DNAJC16: variants seen among roughly 807,000 people sequenced by gnomAD.
DNAJC16 encodes DnaJ heat shock protein family (Hsp40) member C16, also known as dnaJ homolog subfamily C member 16.
Under a neutral mutation model 92.7 loss-of-function variants are expected in DNAJC16, and 76 were observed. That is an observed-to-expected ratio of 0.82 (90% confidence interval 0.68 to 0.99). The LOEUF (loss-of-function observed/expected upper bound fraction) is 0.99, where lower values mean the gene tolerates loss of function less well. DNAJC16 is among the 50% of genes least tolerant of loss of function. The pLI is 0.00. For missense variants in DNAJC16, 869 were observed against 942.4 expected, an observed-to-expected ratio of 0.92 and a Z score of 1.02; for synonymous variants, 328 against 358.7, an observed-to-expected ratio of 0.91 and a Z score of 0.97.
chr1:15,559,528 C>G lies in DNAJC16; in HGVS notation c.1026C>G (p.Ala342=), dbSNP rs762839879. 3 of 1,613,912 alleles carry G rather than the reference C, an allele frequency of 1.9e-6. No homozygotes were observed. The South Asian group carries it at 3.3e-5, about 18-fold the overall frequency. The change falls in exon 8 of 15, where the codon GCC becomes GCG. Residue 342 remains alanine, a splice_region_variant and synonymous_variant. Coordinates refer to ENST00000375847, the MANE Select transcript of DNAJC16 (RefSeq NM_015291.4). ...GCTGATTCTTGGTTTTTCTCTAGGCCCGAGGTATGAAGAAGCAAATCATTG... is the reference window on the plus strand; with the variant it reads ...GCTGATTCTTGGTTTTTCTCTAGGCGCGAGGTATGAAGAAGCAAATCATTG... ...HINRPADVIQ[A]RGMKKQIIDD...
At chr1:15,559,424 C>T in intron 7 of DNAJC16, 102 bp from the exon 8 acceptor site, 2 of 1,513,940 alleles carry the variant, frequency 1.3e-6, no homozygotes, top group Non-Finnish European at 1.8e-6. Context: ...TTACTTTAGC[C>T]AAGGTCAGCT....
rs900563697 is a variant in DNAJC16, at chr1:15,569,678, T to C, written c.*1501T>C. ...TTGTTGAGACAGAGTTTCACTCTTG[T>C]TGCCCAGGCTGGAGTGAAATGGTGC... is the stretch of plus-strand genomic sequence containing the variant. On this transcript the variant is annotated 3_prime_UTR_variant, in exon 15 of 15. Coordinates refer to ENST00000375847, the MANE Select transcript of DNAJC16 (RefSeq NM_015291.4). 1 of 151,772 alleles carries C rather than the reference T, an allele frequency of 6.6e-6. No individual in the cohort carries two copies. The highest frequency in any genetic ancestry group is 1.5e-5 in the Non-Finnish European group (1 of 67,968). 9.4% of individuals were successfully genotyped at this position (151,772 alleles called of 1,614,324 possible). A position where few individuals can be genotyped will look rare whatever the true frequency, so the allele number is the denominator to read the frequency against.
At chr1:15,550,544 T>C (rs1638421122) in intron 7 of DNAJC16, among the ~76,000 whole-genome samples, 2 of 152,200 alleles carry the variant, frequency 1.3e-5, no homozygotes, top group Non-Finnish European at 2.9e-5. Flanking sequence ...TTGGTGGACA[T>C]TGGGGGCTTT....
chr1:15,552,766 A>ATTTTTTTTTT, intron 7 of DNAJC16, among the ~76,000 whole-genome samples: 1 of 125,920 alleles, frequency 7.9e-6, no homozygotes, highest in Non-Finnish European at 1.8e-5. Context: ...TATTATTATT[A>ATTTTTTTTTT]TTTATTTTTT....
In DNAJC16 at chr1:15,568,707, G is replaced by A. The variant is rs556804252; in HGVS notation, c.*530G>A. ...TTTCCAAGCAATCTCACGTTTACTG[G>A]TTGTTCTGGGAGTAAGTGGCTAAAT... On this transcript the variant is annotated 3_prime_UTR_variant, in exon 15 of 15. Coordinates refer to ENST00000375847, the MANE Select transcript of DNAJC16 (RefSeq NM_015291.4). 4 of 399,076 alleles carry A rather than the reference G, an allele frequency of 1.0e-5. No individual in the cohort carries two copies. The highest frequency in any genetic ancestry group is 1.3e-4 in the South Asian group (1 of 7,872). 24.7% of individuals were successfully genotyped at this position (399,076 alleles called of 1,614,324 possible).
intron 1 of DNAJC16, among the ~76,000 whole-genome samples, chr1:15,527,772 C>A (rs772534469): frequency 1.3e-5 from 2 of 152,304 alleles, no homozygotes; most frequent in Non-Finnish European, 2.9e-5. Context: ...CTTGCACTTA[C>A]GGAAATCCAC....
chr1:15,543,967 G>A (rs1271362615), intron 4 of DNAJC16, among the ~76,000 whole-genome samples: 1 of 152,144 alleles, frequency 6.6e-6, no homozygotes, highest in African/African-American at 2.4e-5. Flanking sequence ...TGTTAAGCTT[G>A]AGAAGTCTAG....
chr1:15,548,408 A>G lies in DNAJC16; in HGVS notation c.1003A>G (p.Arg335Gly), dbSNP rs770962692. 3.5e-5 allele frequency: 57 copies of G among 1,612,504 alleles called. No individual in the cohort carries two copies. The Middle Eastern group carries it at 4.9e-4, about 14-fold the overall frequency. Residue 335 changes from arginine (R) to glycine (G), a missense_variant, in exon 7 of 15, where the codon AGG becomes GGG. Coordinates refer to ENST00000375847, the MANE Select transcript of DNAJC16 (RefSeq NM_015291.4). ...TLLVFKEHIN[R>G]PADVIQARGM... ...CTTGGTCTTTAAAGAACATATAAAC[A>G]GGCCTGCCGATGTTATCCAGGTACG...
At chr1:15,551,558 T>A (rs573813197) in intron 7 of DNAJC16, among the ~76,000 whole-genome samples, 1 of 151,990 alleles carries the variant, frequency 6.6e-6, no homozygotes, top group South Asian at 2.1e-4. Flanking sequence ...TCATGACAGC[T>A]TCTCAGAATT....
intron 8 of DNAJC16, chr1:15,560,148 C>G (rs1453292810): frequency 6.6e-6 from 1 of 151,732 alleles, no homozygotes; most frequent in Admixed American, 6.6e-5. Context: ...CACTTTAGCA[C>G]CAAATTGTCA....
In DNAJC16 at chr1:15,564,243, G is replaced by A. The variant is rs774505420; in HGVS notation, c.1522-40G>A. 11 of 1,540,858 alleles carry A rather than the reference G, an allele frequency of 7.1e-6. No homozygotes were observed. In the East Asian group the frequency reaches 1.1e-4, roughly 16 times the overall value. ...GCAGGGTAGAGGGACTCTCCCTTCC[G>A]GCTTTAGTCCTGACCATCATCCATT... On this transcript the variant is annotated intron_variant, in intron 10 of 14. Transcript: ENST00000375847.
chr1:15,565,193 C>T (rs1638780975), intron 11 of DNAJC16: 1 of 152,422 alleles, frequency 6.6e-6, no homozygotes, highest in South Asian at 2.1e-4. Context: ...AAAGGATCAC[C>T]CATGGCTGCC....
At chr1:15,567,711 A>AT (rs1204552943) in intron 14 of DNAJC16, 67 bp from the exon 15 acceptor site, 8 of 1,487,034 alleles carry the variant, frequency 5.4e-6, no homozygotes, top group Non-Finnish European at 7.3e-6. Context: ...TCACTGGGGT[A>AT]TTTATTTTCT....
chr1:15,564,144 A>G (rs746424009), intron 10 of DNAJC16, 33 bp downstream of exon 10: 2 of 1,612,238 alleles, frequency 1.2e-6, no homozygotes, highest in East Asian at 2.2e-5. Context: ...GTGGGACACC[A>G]GGAGGGCTTG....
chr1:15,560,487 A>C (rs201199449), intron 8 of DNAJC16, among the ~76,000 whole-genome samples: 1 of 152,246 alleles, frequency 6.6e-6, no homozygotes, highest in South Asian at 2.1e-4. Context: ...TAAAAAGTCT[A>C]GAAATTCAGG....
At chr1:15,538,868 C>T (rs187932526) in intron 4 of DNAJC16, among the ~76,000 whole-genome samples, 3 of 152,266 alleles carry the variant, frequency 2.0e-5, no homozygotes, top group Admixed American at 6.5e-5. Flanking sequence ...TTTCATTTCA[C>T]GTTATTTTGC....
rs964979757 is a variant in DNAJC16, at chr1:15,568,844, G to A, written c.*667G>A. Reference sequence around the variant, plus strand: ...CTCAAGAAAAGGAAAGGGAGGCTGAGCAGTGGCTGAAGCGATGCAGCCTTG... The same window carrying A: ...CTCAAGAAAAGGAAAGGGAGGCTGAACAGTGGCTGAAGCGATGCAGCCTTG... On this transcript the variant is annotated 3_prime_UTR_variant, in exon 15 of 15. Transcript: ENST00000375847. 2.5e-6 allele frequency: 1 copy of A among 397,612 alleles called. No individual in the cohort carries two copies. Among genetic ancestry groups the A allele is most frequent in the Admixed American group, 4.4e-5 (1 of 22,716 alleles). The allele number at this position is 397,612 out of a possible 1,614,324, so 24.6% of individuals were successfully genotyped here. A position where few individuals can be genotyped will look rare whatever the true frequency, so the allele number is the denominator to read the frequency against.
chr1:15,539,763 C>T (rs553418916), intron 4 of DNAJC16, among the ~76,000 whole-genome samples: 3 of 151,944 alleles, frequency 2.0e-5, no homozygotes, highest in Non-Finnish European at 2.9e-5. Context: ...CATGGTGGCT[C>T]ACGCCTGTAA....
intron 7 of DNAJC16, among the ~76,000 whole-genome samples, chr1:15,553,722 A>G (rs534648897): frequency 8.6e-5 from 13 of 151,920 alleles, no homozygotes; most frequent in South Asian, 4.2e-4. Context: ...CCCTCCCCCT[A>G]CCTACTTACC....
Sources: allele counts gnomAD v4.1 joint callset (sites outside exome capture counted in the v4.1 genomes callset), GRCh38; gene constraint gnomAD v4.1.1; transcripts MANE v1.5; gene names NCBI Gene and HGNC (gene_info 2026-07-23, HGNC 2026-07-21).